The following MAP9 variants were observed in gnomAD, a reference collection of about 807,000 sequenced individuals.
MAP9 encodes the protein microtubule-associated protein 9.
A neutral mutation model predicts 75.2 loss-of-function variants in MAP9; 80 were observed. The observed-to-expected ratio is 1.06, with a 90% confidence interval of 0.89 to 1.28. The LOEUF (loss-of-function observed/expected upper bound fraction) is 1.28. Among genes scored for constraint, MAP9 ranks in the 50% most tolerant of loss-of-function variants. The probability of loss-of-function intolerance (pLI) is 0.00; values close to 1 mark genes in which losing one functional copy is unlikely to be tolerated. For synonymous variants in MAP9, 235 were observed against 237.3 expected, an observed-to-expected ratio of 0.99 and a Z score of 0.09; for missense variants, 753 against 719.9, an observed-to-expected ratio of 1.05 and a Z score of -0.53.
intron 4 of MAP9, among the ~76,000 whole-genome samples, chr4:155,369,077 C>T (rs187929666): frequency 6.6e-5 from 10 of 152,206 alleles, no homozygotes; most frequent in Middle Eastern, 3.4e-3. Context: ...AATCCCAGCA[C>T]GTTGGGAGGC....
chr4:155,374,241 A>C (rs1234173466), intron 3 of MAP9, among the ~76,000 whole-genome samples: 1 of 152,128 alleles, frequency 6.6e-6, no homozygotes, highest in Non-Finnish European at 1.5e-5. Flanking sequence ...CAGGAGGCTG[A>C]AGGAGGAGAA....
At position 155,347,213 on chromosome 4, in the gene MAP9, A is replaced by ATTC; in HGVS notation, c.*567_*569dup. Reference sequence around the variant, plus strand: ...CACTCATATTAAAACATAAGGCAAAATTCTTAAATAAAAAGCCTTGATGAT... The same window carrying ATTC: ...CACTCATATTAAAACATAAGGCAAAATTCTTCTTAAATAAAAAGCCTTGATGAT... On this transcript the variant is annotated 3_prime_UTR_variant, in exon 14 of 14. Coordinates refer to ENST00000311277, the MANE Select transcript of MAP9 (RefSeq NM_001039580.2). 1 of 152,318 alleles carries ATTC rather than the reference A, an allele frequency of 6.6e-6. No homozygotes were observed. The highest frequency in any genetic ancestry group is 1.9e-4 in the East Asian group (1 of 5,182). 9.4% of individuals were successfully genotyped at this position (152,318 alleles called of 1,614,324 possible). A position where few individuals can be genotyped will look rare whatever the true frequency, so the allele number is the denominator to read the frequency against.
chr4:155,370,781 T>C (rs540645753), intron 4 of MAP9, among the ~76,000 whole-genome samples: 1 of 152,350 alleles, frequency 6.6e-6, no homozygotes, highest in East Asian at 1.9e-4. Flanking sequence ...GCATGACTGA[T>C]ACTTTATACC....
rs745664048 is a variant in MAP9 at position 155,352,942 on chromosome 4, T to C, written c.1658A>G (p.Lys553Arg). Residue 553 changes from lysine (K) to arginine (R), a missense_variant, in exon 12 of 14, where the codon AAG becomes AGG. Coordinates refer to ENST00000311277, the MANE Select transcript of MAP9 (RefSeq NM_001039580.2). ...CTCAACAGCAGTTAAATTATCTTTC[T>C]TTTTCTCGGCAACAGTTTCCTCCTC... ...QKEEETVAEK[K>R]KDNLTAVEKW... is the part of the protein sequence containing the mutation. 2.6e-6 allele frequency: 4 copies of C among 1,537,198 alleles called. No individual in the cohort carries two copies. The highest frequency in any genetic ancestry group is 3.5e-6 in the Non-Finnish European group (4 of 1,138,116).
At position 155,373,220 on chromosome 4, in the gene MAP9, G is replaced by C. The variant is rs1732682658; in HGVS notation, c.397C>G (p.Gln133Glu). The part of the protein sequence containing the change: ...DIVVKSFSES[Q>E]NKDEEFEKDK... ...TTTTCAAATTCCTCATCCTTATTTTGAGATTCAGAGAAAGATTTTACAACA... is the reference window on the plus strand; with the variant it reads ...TTTTCAAATTCCTCATCCTTATTTTCAGATTCAGAGAAAGATTTTACAACA... Residue 133 changes from glutamine to glutamate, a missense_variant, in exon 4 of 14, where the codon CAA (glutamine) becomes GAA (glutamate). Gln to Glu is a conservative substitution (Grantham distance 29). Coordinates refer to ENST00000311277, the MANE Select transcript of MAP9 (RefSeq NM_001039580.2). 1 of 1,607,058 alleles carries C rather than the reference G, an allele frequency of 6.2e-7. No individual in the cohort carries two copies. The highest frequency in any genetic ancestry group is 1.7e-5 in the Admixed American group (1 of 59,228).
Position 155,347,148 on chromosome 4 carries a change from G to C in MAP9, c.*635C>G, listed in dbSNP as rs191182393. The C allele has an allele frequency of 6.6e-5, 10 of 152,258 alleles. No individual in the cohort carries two copies. In the East Asian group the frequency reaches 1.9e-3, roughly 29 times the overall value. 9.4% of individuals were successfully genotyped at this position (152,258 alleles called of 1,614,324 possible). On this transcript the variant is annotated 3_prime_UTR_variant, in exon 14 of 14. Transcript: ENST00000311277. ...ATTTCAGAGGTGGACTCATTATAAA[G>C]TACCTATGATTATCACATAAGCCTG... is the stretch of plus-strand genomic sequence containing the variant.
chr4:155,356,656 G>A (rs2111216733), intron 8 of MAP9, among the ~76,000 whole-genome samples: 1 of 152,210 alleles, frequency 6.6e-6, no homozygotes, highest in South Asian at 2.1e-4. Context: ...GCCAGCCATT[G>A]GTTTTGATAT....
At chr4:155,350,670 GA>G (rs1731473667) in intron 13 of MAP9, among the ~76,000 whole-genome samples, 1 of 151,636 alleles carries the variant, frequency 6.6e-6, no homozygotes, top group Non-Finnish European at 1.5e-5. Context: ...ATTCAAAATT[GA>G]ACCAATTTTG....
rs780257756 is a variant in MAP9 at position 155,374,983 on chromosome 4, T to C, written c.114A>G (p.Arg38=). The change falls in exon 3 of 14, where the codon AGA becomes AGG. Residue 38 remains arginine (R), a synonymous_variant. Transcript: ENST00000311277. ...CATCTGAGTATTCAGAACTCCTTTG[T>C]CTGGCTGAGCGAGCTGTAATTGCTC... is the stretch of plus-strand genomic sequence containing the variant. The part of the protein sequence containing the change: ...LIRAITARSA[R]QRSSEYSDDF... The C allele has an allele frequency of 3.8e-6, 6 of 1,591,256 alleles. No homozygotes were observed. The highest frequency in any genetic ancestry group is 2.6e-6 in the Non-Finnish European group (3 of 1,162,868).
chr4:155,374,932 C>G lies in MAP9; in HGVS notation c.160+5G>C. ...AGTGGTTCACGTTTCCATACTGTCA[C>G]ATACCAATCTCATCACTGTCAAAGT... On this transcript the variant is annotated splice_donor_5th_base_variant and intron_variant, in intron 3 of 13. Transcript: ENST00000311277. 1 of 1,565,110 alleles carries G rather than the reference C, an allele frequency of 6.4e-7. No homozygotes were observed. Among genetic ancestry groups the G allele is most frequent in the Non-Finnish European group, 8.7e-7 (1 of 1,144,506 alleles).
intron 7 of MAP9, among the ~76,000 whole-genome samples, chr4:155,359,207 GTA>G (rs1456444121): frequency 2.3e-4 from 21 of 92,262 alleles, no homozygotes; most frequent in Non-Finnish European, 3.8e-4. Context: ...AAGAAAATGT[GTA>G]TACACACACA....
rs888351546 is a variant in MAP9, at chr4:155,367,681, T to C, written c.708+905A>G. The C allele has an allele frequency of 3.3e-5, 5 of 152,374 alleles. No homozygotes were observed. The East Asian group carries it at 9.7e-4, about 29-fold the overall frequency. 9.4% of individuals were successfully genotyped at this position (152,374 alleles called of 1,614,324 possible). A position where few individuals can be genotyped will look rare whatever the true frequency, so the allele number is the denominator to read the frequency against. On this transcript the variant is annotated intron_variant, in intron 5 of 13. Transcript: ENST00000311277. ...TAGGCGTATATCAAATTGTCAGCTT[T>C]ACTGGTAAAGCTCAACTGCAGAACA...
chr4:155,373,545 T>G, intron 3 of MAP9, 89 bp from the exon 4 acceptor site: 1 of 865,872 alleles, frequency 1.2e-6, no homozygotes, highest in East Asian at 2.8e-5. Flanking sequence ...CCTTAAAAGC[T>G]ACAAACAAAA....
At position 155,362,134 on chromosome 4, in the gene MAP9, C is replaced by G; in HGVS notation, c.716G>C (p.Cys239Ser). The G allele has an allele frequency of 6.4e-7, 1 of 1,565,518 alleles. No individual in the cohort carries two copies. Among genetic ancestry groups the G allele is most frequent in the Non-Finnish European group, 8.6e-7 (1 of 1,161,096 alleles). Residue 239 changes from cysteine to serine, a missense_variant, in exon 6 of 14, where the codon TGC (cysteine) becomes TCC (serine). Transcript: ENST00000311277. ...FSENLDPEDS[C>S]LTSLASSSLK... The stretch of plus-strand genomic sequence containing the variant: ...TGATGATGATGCTAGACTTGTTAAG[C>G]ATGAATCCTGTTTTCGCAAAAAAAA...
intron 13 of MAP9, among the ~76,000 whole-genome samples, chr4:155,350,395 A>C (rs1452987423): frequency 6.6e-6 from 1 of 152,072 alleles, no homozygotes; most frequent in Admixed American, 6.6e-5. Context: ...TGTTCTTCAG[A>C]GGACTGATAA....
chr4:155,350,404 A>G (rs13123971), intron 13 of MAP9, among the ~76,000 whole-genome samples: 92,921 of 151,826 alleles, frequency 0.61, 29,180 homozygotes, highest in East Asian at 0.79. Context: ...GAGGACTGAT[A>G]AGAATGACAA....
chr4:155,355,804 C>T lies in MAP9; in HGVS notation c.1202G>A (p.Gly401Glu), dbSNP rs1731752765. Residue 401 changes from glycine to glutamate, a missense_variant, in exon 9 of 14, where the codon GGG (glycine) becomes GAG (glutamate). Coordinates refer to ENST00000311277, the MANE Select transcript of MAP9 (RefSeq NM_001039580.2). ...PSTTTSSHYL[G>E]TLKVLDQKPS... ...TTTTTGGTCCAAGACTTTTAAAGTC[C>T]CTAAATAGTGAGAAGAGGTAGTTGT... is the stretch of plus-strand genomic sequence containing the variant. 1 of 1,613,500 alleles carries T rather than the reference C, an allele frequency of 6.2e-7. No individual in the cohort carries two copies. The highest frequency in any genetic ancestry group is 1.3e-5 in the African/African-American group (1 of 74,826).
intron 1 of MAP9, chr4:155,376,484 G>A (rs1732852001): frequency 6.6e-6 from 1 of 152,274 alleles, no homozygotes; most frequent in Non-Finnish European, 1.5e-5. Context: ...CATTAAAATC[G>A]CGGTTTCCCG....
rs187744822 is a variant in MAP9 at position 155,348,527 on chromosome 4, G to A, written c.1822-622C>T. Among the ~76,000 whole-genome samples, 601 of 152,160 alleles carry A rather than the reference G, an allele frequency of 3.9e-3. 3 individuals carry two copies. The highest frequency in any genetic ancestry group is 4.0e-3 in the Non-Finnish European group (270 of 68,016). On this transcript the variant is annotated intron_variant, in intron 13 of 13. Coordinates refer to ENST00000311277, the MANE Select transcript of MAP9 (RefSeq NM_001039580.2). ...ACTGTTATAAGTTGGTGGTGACTTCGTGAGAACAAATTCTCAGAAGTAAGT... is the reference window on the plus strand; with the variant it reads ...ACTGTTATAAGTTGGTGGTGACTTCATGAGAACAAATTCTCAGAAGTAAGT...
Sources: gnomAD v4.1 joint callset for allele counts (sites outside exome capture counted in the v4.1 genomes callset) on GRCh38, gnomAD v4.1.1 for gene constraint, MANE v1.5 for transcripts, NCBI Gene and HGNC (gene_info 2026-07-23, HGNC 2026-07-21) for gene names.